The following SLC35F3 variants were observed in gnomAD, a reference collection of about 807,000 sequenced individuals.
SLC35F3 encodes the protein putative thiamine transporter SLC35F3.
Under a neutral mutation model 49.9 loss-of-function variants are expected in SLC35F3, and 25 were observed. That is an observed-to-expected ratio of 0.50 (90% confidence interval 0.37 to 0.70). The LOEUF (loss-of-function observed/expected upper bound fraction) is 0.70. Ranked by LOEUF, SLC35F3 falls within the 30% of genes least tolerant of loss-of-function variation. The pLI is 0.00. For missense variants in SLC35F3, 525 were observed against 639.8 expected (o/e 0.82, Z 1.94); for synonymous variants, 275 against 265.4 (o/e 1.04, Z -0.35).
intron 3 of SLC35F3, among the ~76,000 whole-genome samples, chr1:234,254,234 T>C (rs1359609070): frequency 6.6e-6 from 1 of 152,210 alleles, no homozygotes; most frequent in Non-Finnish European, 1.5e-5. Context: ...ACTGGCTTTC[T>C]ATATCCTTAG....
intron 2 of SLC35F3, among the ~76,000 whole-genome samples, chr1:234,221,197 G>A (rs186946156): frequency 1.8e-3 from 276 of 152,264 alleles, no homozygotes; most frequent in Non-Finnish European, 2.2e-3. Flanking sequence ...TTGCAAGGGT[G>A]GGTGGGGGCA....
intron 2 of SLC35F3, among the ~76,000 whole-genome samples, chr1:234,048,578 C>T (rs924521110): frequency 6.6e-6 from 1 of 152,216 alleles, no homozygotes; most frequent in African/African-American, 2.4e-5. Context: ...AAAACTGCCT[C>T]TACCTCATTT....
At chr1:234,180,623 G>C (rs868143016) in intron 2 of SLC35F3, among the ~76,000 whole-genome samples, 4 of 152,046 alleles carry the variant, frequency 2.6e-5, no homozygotes, top group Non-Finnish European at 5.9e-5. Context: ...TGTAGTCTTG[G>C]GGACTTCATT....
chr1:234,140,793 T>A (rs988615044), intron 2 of SLC35F3, among the ~76,000 whole-genome samples: 3 of 152,146 alleles, frequency 2.0e-5, no homozygotes, highest in African/African-American at 7.2e-5. Flanking sequence ...ATTTAAAAAA[T>A]AAAAAGAGGC....
chr1:234,283,295 A>AAAGG (rs1668358747), intron 3 of SLC35F3, among the ~76,000 whole-genome samples: 1 of 152,220 alleles, frequency 6.6e-6, no homozygotes, highest in Non-Finnish European at 1.5e-5. Context: ...TGTAGGATTG[A>AAAGG]TTTTTTAACT....
At chr1:234,112,556 C>CTTTTTTTT (rs777353110) in intron 2 of SLC35F3, among the ~76,000 whole-genome samples, 14,702 of 115,278 alleles carry the variant, frequency 0.13, 1,743 homozygotes, top group Non-Finnish European at 0.2. Flanking sequence ...AATTCACACT[C>CTTTTTTTT]TTTTTTTTTT....
Position 234,324,118 on chromosome 1 carries a change from G to A in SLC35F3, c.*875G>A, listed in dbSNP as rs1209927662. 2 of 152,234 alleles carry A rather than the reference G, an allele frequency of 1.3e-5. No homozygotes were observed. Among genetic ancestry groups the A allele is most frequent in the Admixed American group, 6.5e-5 (1 of 15,290 alleles). The allele number at this position is 152,234 out of a possible 1,614,324, so 9.4% of individuals were successfully genotyped here. On this transcript the variant is annotated 3_prime_UTR_variant, in exon 8 of 8. Transcript: ENST00000366618. ...CCGCGGTGTACAATACCCATATAAG[G>A]TACATTGTGCAGGAGGGGAATTGCT... is the stretch of plus-strand genomic sequence containing the variant.
chr1:234,268,438 C>A (rs1423703776), intron 3 of SLC35F3: 1 of 151,638 alleles, frequency 6.6e-6, no homozygotes, highest in Non-Finnish European at 1.5e-5. Context: ...CAGAGGGAGA[C>A]CGTGGAAAGG....
rs1398897841 is a variant in SLC35F3, at chr1:234,264,709, A to G, written c.608+32968A>G. Among the ~76,000 whole-genome samples the G allele has an allele frequency of 2.0e-5, 3 of 152,088 alleles. No homozygotes were observed. The East Asian group carries it at 5.8e-4, about 29-fold the overall frequency. ...GCTAGGACTGCAGGCACACACCATC[A>G]TGCCTGCTAATTTCTAAATTTTTTG... On this transcript the variant is annotated intron_variant, in intron 3 of 7. Transcript: ENST00000366618.
chr1:234,052,917 G>A (rs1393187320), intron 2 of SLC35F3, among the ~76,000 whole-genome samples: 3 of 152,190 alleles, frequency 2.0e-5, no homozygotes, highest in East Asian at 3.8e-4. Flanking sequence ...CTCAGGAGCA[G>A]GTTGTTCAGT....
rs886540087 is a variant in SLC35F3 at position 234,231,807 on chromosome 1, G to C, written c.608+66G>C. The C allele has an allele frequency of 1.7e-4, 249 of 1,461,736 alleles. No individual in the cohort carries two copies. Among genetic ancestry groups the C allele is most frequent in the Middle Eastern group, 3.8e-4 (2 of 5,214 alleles). The allele number at this position is 1,461,736 out of a possible 1,614,324, so 90.5% of individuals were successfully genotyped here. On this transcript the variant is annotated intron_variant, in intron 3 of 7. Transcript: ENST00000366618. The surrounding 1 kb of genome is among the most constrained non-coding windows in gnomAD (Gnocchi z 5.4). Reference sequence around the variant, plus strand: ...TGCTCCATCCAGCGCTGACTCTGCAGAGCTGCCCCTGGTGGCAGGCGCTGG... The same window carrying C: ...TGCTCCATCCAGCGCTGACTCTGCACAGCTGCCCCTGGTGGCAGGCGCTGG...
chr1:233,919,274 C>T (rs1390327095), intron 2 of SLC35F3, among the ~76,000 whole-genome samples: 1 of 152,132 alleles, frequency 6.6e-6, no homozygotes, highest in Non-Finnish European at 1.5e-5. Flanking sequence ...AAGGGCAGCA[C>T]TTGTCGTTGC....
At chr1:233,971,067 G>A (rs1008719590) in intron 2 of SLC35F3, among the ~76,000 whole-genome samples, 1 of 152,236 alleles carries the variant, frequency 6.6e-6, no homozygotes, top group Non-Finnish European at 1.5e-5. Flanking sequence ...AGTGTTGAAA[G>A]CCAGGGACTT....
chr1:233,941,449 AAC>A (rs1662418838), intron 2 of SLC35F3, among the ~76,000 whole-genome samples: 3 of 152,222 alleles, frequency 2.0e-5, no homozygotes. Context: ...CATTAGAACA[AAC>A]ACAGTTAGAG....
chr1:234,193,922 C>T (rs1558256094), intron 2 of SLC35F3, among the ~76,000 whole-genome samples: 1 of 152,050 alleles, frequency 6.6e-6, no homozygotes, highest in Non-Finnish European at 1.5e-5. Context: ...CAAGAATAGC[C>T]ATAAATCATA....
intron 3 of SLC35F3, among the ~76,000 whole-genome samples, chr1:234,252,641 C>T (rs1197685674): frequency 1.3e-5 from 2 of 152,060 alleles, no homozygotes; most frequent in Admixed American, 6.5e-5. Flanking sequence ...TTCACTCTTA[C>T]GAGAGAAATG....
intron 2 of SLC35F3, among the ~76,000 whole-genome samples, chr1:234,098,289 T>TGGC (rs200071872): frequency 7.3e-6 from 1 of 136,100 alleles, no homozygotes; most frequent in African/African-American, 2.9e-5. Context: ...GCAGTTCAGA[T>TGGC]GGTGGTAGTG....
intron 2 of SLC35F3, among the ~76,000 whole-genome samples, chr1:234,075,166 A>G (rs1664774855): frequency 6.6e-6 from 1 of 152,244 alleles, no homozygotes; most frequent in Non-Finnish European, 1.5e-5. Context: ...TCTGAGAGAC[A>G]TATGTTCCAT....
At chr1:234,101,935 T>C (rs528076903) in intron 2 of SLC35F3, among the ~76,000 whole-genome samples, 3 of 152,340 alleles carry the variant, frequency 2.0e-5, no homozygotes, top group South Asian at 4.1e-4. Flanking sequence ...CTGCCTCCGA[T>C]TCAAGAAGCC....
Sources: gnomAD v4.1 joint callset for allele counts (sites outside exome capture counted in the v4.1 genomes callset) on GRCh38, gnomAD v4.1.1 for gene constraint, Gnocchi (gnomAD v3.1) non-coding constraint, MANE v1.5 for transcripts, NCBI Gene and HGNC (gene_info 2026-07-23, HGNC 2026-07-21) for gene names.